RASSF8: variants seen among roughly 807,000 people sequenced by gnomAD.
RASSF8 encodes ras association domain-containing protein 8.
A neutral mutation model predicts 48.5 loss-of-function variants in RASSF8; 22 were observed. The ratio of observed to expected loss-of-function variants is 0.45; its 90% CI spans 0.32 to 0.65. The LOEUF (loss-of-function observed/expected upper bound fraction) is 0.65. Among genes scored for constraint, RASSF8 ranks in the 30% least tolerant of loss-of-function variants. The pLI, the probability that RASSF8 is intolerant of heterozygous loss-of-function variation, is 0.03. For missense variants in RASSF8, 418 were observed against 489.2 expected (o/e 0.85, Z 1.37); for synonymous variants, 127 against 171.5 (o/e 0.74, Z 2.03).
intron 2 of RASSF8, among the ~76,000 whole-genome samples, chr12:26,014,301 C>T (rs1942595639): frequency 6.6e-6 from 1 of 152,212 alleles, no homozygotes; most frequent in Non-Finnish European, 1.5e-5. Context: ...GCCTGATCAT[C>T]CTTTTAAGCA....
downstream of RASSF8, among the ~76,000 whole-genome samples, chr12:26,073,849 C>CACACAT (rs35014279): frequency 0.14 from 20,800 of 144,056 alleles, 1,785 homozygotes; most frequent in Admixed American, 0.21. Context: ...CACACACACA[C>CACACAT]ATATATATAT....
downstream of RASSF8, among the ~76,000 whole-genome samples, chr12:26,073,776 C>CACACACACACAT (rs1244639136): frequency 6.1e-5 from 7 of 115,260 alleles, no homozygotes; most frequent in African/African-American, 2.4e-4. Context: ...CACACACACA[C>CACACACACACAT]ATATATATAT....
At chr12:26,000,213 G>A (rs1372633218) in intron 2 of RASSF8, among the ~76,000 whole-genome samples, 2 of 152,144 alleles carry the variant, frequency 1.3e-5, no homozygotes, top group African/African-American at 4.8e-5. Flanking sequence ...AGAATGGAAA[G>A]CTCAGAAGAA....
chr12:26,078,067 T>TCC (rs1944086894), intron 5 of RASSF8, among the ~76,000 whole-genome samples: 7 of 152,306 alleles, frequency 4.6e-5, no homozygotes, highest in African/African-American at 1.7e-4. Flanking sequence ...TGAATTAGGC[T>TCC]TTTGAAGAGT....
intron 2 of RASSF8, among the ~76,000 whole-genome samples, chr12:26,036,175 C>T (rs1943146901): frequency 6.6e-6 from 1 of 151,662 alleles, no homozygotes; most frequent in African/African-American, 2.4e-5. Context: ...TGCTTAAATC[C>T]ATGTTCCTCG....
rs1427589953 is a variant in RASSF8 at position 26,067,656 on chromosome 12, A to C, written c.1081A>C (p.Thr361Pro). ...CATCCAGCAGACAGGGACAAAAGTT[A>C]CCGTTTTGCCAGCGGAGCCCATTGA... ...QFIQQTGTKV[T>P]VLPAEPIEIE... The change falls in exon 5 of 6, where the codon ACC (threonine) becomes CCC (proline). Residue 361 changes from threonine to proline, a missense_variant. Coordinates refer to ENST00000689635, the MANE Select transcript of RASSF8 (RefSeq NM_001394098.1). 1 of 1,614,098 alleles carries C rather than the reference A, an allele frequency of 6.2e-7. No homozygotes were observed. Among genetic ancestry groups the C allele is most frequent in the Non-Finnish European group, 8.5e-7 (1 of 1,180,032 alleles).
At chr12:26,049,320 G>A (rs1943440345) in intron 2 of RASSF8, among the ~76,000 whole-genome samples, 2 of 152,160 alleles carry the variant, frequency 1.3e-5, no homozygotes, top group Admixed American at 6.5e-5. Context: ...TTTGAGATGA[G>A]CCTTTGATTA....
intron 2 of RASSF8, among the ~76,000 whole-genome samples, chr12:26,029,711 A>G (rs73079036): frequency 0.098 from 14,845 of 152,208 alleles, 768 homozygotes; most frequent in Middle Eastern, 0.16. Context: ...TAAAACTTAA[A>G]ACTTCTCTGT....
chr12:26,018,110 G>A (rs1308405727), intron 2 of RASSF8, among the ~76,000 whole-genome samples: 1 of 131,790 alleles, frequency 7.6e-6, no homozygotes, highest in South Asian at 2.5e-4. Context: ...GAGGATATCT[G>A]TATTCTTGAG....
chr12:25,994,139 G>C (rs1257315563), intron 1 of RASSF8, among the ~76,000 whole-genome samples: 1 of 151,980 alleles, frequency 6.6e-6, no homozygotes. Context: ...CATCAGATTT[G>C]GGGTCTGCCA....
chr12:26,021,315 A>G (rs961585831), intron 2 of RASSF8: 1 of 152,196 alleles, frequency 6.6e-6, no homozygotes, highest in Non-Finnish European at 1.5e-5. Context: ...CCACTCTGCT[A>G]TGGTTTGAAT....
At position 26,071,604 on chromosome 12, in the gene RASSF8, CTTCT is replaced by C. The variant is rs1944002257; in HGVS notation, c.*2787_*2790del. On this transcript the variant is annotated 3_prime_UTR_variant, in exon 6 of 6. Transcript: ENST00000689635. ...TAGTGTCCATAGTCCCTTTCTTGTC[CTTCT>C]GAGATATTTTGGTTTGATAACATTT... 1.0e-6 allele frequency: 1 copy of C among 985,114 alleles called. No homozygotes were observed. The highest frequency in any genetic ancestry group is 4.7e-5 in the South Asian group (1 of 21,268). The allele number at this position is 985,114 out of a possible 1,614,324, so 61.0% of individuals were successfully genotyped here.
At chr12:26,053,789 A>G (rs1943544983) in intron 2 of RASSF8, among the ~76,000 whole-genome samples, 1 of 152,202 alleles carries the variant, frequency 6.6e-6, no homozygotes, top group African/African-American at 2.4e-5. Context: ...AGCTAAAGCA[A>G]AGTGCTAGGA....
chr12:26,009,567 A>C (rs1942473902), intron 2 of RASSF8, among the ~76,000 whole-genome samples: 1 of 152,164 alleles, frequency 6.6e-6, no homozygotes, highest in South Asian at 2.1e-4. Flanking sequence ...AGTGGATAGA[A>C]ATAGAGAGGA....
At chr12:26,015,643 A>C (rs1942630820) in intron 2 of RASSF8, among the ~76,000 whole-genome samples, 1 of 95,026 alleles carries the variant, frequency 1.1e-5, no homozygotes, top group Non-Finnish European at 2.1e-5. Context: ...GTTTGCAAAG[A>C]AACAGAAATT....
rs113005451 is a variant in RASSF8, at chr12:25,958,760, C to T, written c.-591C>T. The stretch of plus-strand genomic sequence containing the variant: ...TCCTACGCCCGCGCTCGTCCGGCGC[C>T]CCGCGCCGCGCCCCGCTCAGCGTCT... On this transcript the variant is annotated 5_prime_UTR_variant, in exon 1 of 6. Coordinates refer to ENST00000689635, the MANE Select transcript of RASSF8 (RefSeq NM_001394098.1). 6.8e-6 allele frequency among the ~76,000 whole-genome samples: 1 copy of T among 146,848 alleles called. No homozygotes were observed. Among genetic ancestry groups the T allele is most frequent in the East Asian group, 2.0e-4 (1 of 5,088 alleles).
At chr12:26,003,921 A>C (rs1404380120) in intron 2 of RASSF8, among the ~76,000 whole-genome samples, 1 of 152,194 alleles carries the variant, frequency 6.6e-6, no homozygotes, top group African/African-American at 2.4e-5. Flanking sequence ...TCATGCATGT[A>C]ATCCTAGCAC....
chr12:26,079,046 T>C (rs764383000), exon 6 of RASSF8: 1 of 1,546,946 alleles, frequency 6.5e-7, no homozygotes, highest in South Asian at 1.2e-5. Context: ...TCATCATTCT[T>C]TCTGATAAGC....
At chr12:25,965,894 A>C (rs1941349353) in intron 1 of RASSF8, among the ~76,000 whole-genome samples, 1 of 152,176 alleles carries the variant, frequency 6.6e-6, no homozygotes, top group Non-Finnish European at 1.5e-5. Flanking sequence ...GCTGAGTAGT[A>C]TTTCATTGTG....
Sources: gnomAD v4.1 joint callset for allele counts (sites outside exome capture counted in the v4.1 genomes callset) on GRCh38, gnomAD v4.1.1 for gene constraint, MANE v1.5 for transcripts, NCBI Gene and HGNC (gene_info 2026-07-23, HGNC 2026-07-21) for gene names.